Variants in NNMT observed in about 807,000 individuals in gnomAD.
NNMT encodes the protein nicotinamide N-methyltransferase.
NNMT carries 10 observed loss-of-function variants against 11.7 expected under a neutral mutation model. The observed-to-expected ratio is 0.85, with a 90% CI of 0.53 to 1.45. The LOEUF (loss-of-function observed/expected upper bound fraction) is 1.45, where lower values mean the gene tolerates loss of function less well. NNMT is among the 40% of genes most tolerant of loss of function. The pLI is 0.00. For synonymous variants in NNMT, 143 were observed against 133.8 expected, an observed-to-expected ratio of 1.07 and a Z score of -0.48; for missense variants, 381 against 319.4, an observed-to-expected ratio of 1.19 and a Z score of -1.47.
chr11:114,278,827 A>T (rs1945236411), intron 2 of NNMT, among the ~76,000 whole-genome samples: 1 of 152,052 alleles, frequency 6.6e-6, no homozygotes, highest in Admixed American at 6.5e-5. Context: ...CTGAGTGTTA[A>T]CTCCTTCCAA....
At chr11:114,275,405 G>C (rs961701282) in intron 2 of NNMT, among the ~76,000 whole-genome samples, 7 of 152,138 alleles carry the variant, frequency 4.6e-5, no homozygotes, top group Non-Finnish European at 7.3e-5. Flanking sequence ...TTTGCACTTG[G>C]CTGACTTGTT....
chr11:114,297,834 G>A, intron 1 of NNMT, 117 bp from the exon 2 acceptor site: 2 of 843,794 alleles, frequency 2.4e-6, no homozygotes, highest in Non-Finnish European at 3.9e-6. Context: ...GTTGTGAACA[G>A]TAGTGGTCTG....
intron 2 of NNMT, among the ~76,000 whole-genome samples, chr11:114,266,713 A>G (rs1334116633): frequency 6.6e-6 from 1 of 152,210 alleles, no homozygotes; most frequent in Non-Finnish European, 1.5e-5. Flanking sequence ...GAATGGATTA[A>G]TATTATCATG....
At chr11:114,308,945 G>A (rs2135283666) in intron 2 of NNMT, among the ~76,000 whole-genome samples, 1 of 152,244 alleles carries the variant, frequency 6.6e-6, no homozygotes, top group Non-Finnish European at 1.5e-5. Context: ...CACAGTTTGG[G>A]AACAATTTGC....
At chr11:114,287,679 T>G (rs1409350045) in intron 2 of NNMT, among the ~76,000 whole-genome samples, 1 of 152,174 alleles carries the variant, frequency 6.6e-6, no homozygotes, top group Non-Finnish European at 1.5e-5. Flanking sequence ...GTAGAGCAAG[T>G]CCTCCCACCT....
upstream of NNMT, among the ~76,000 whole-genome samples, chr11:114,292,733 A>G (rs1320172362): frequency 1.3e-5 from 2 of 152,234 alleles, no homozygotes; most frequent in Admixed American, 1.3e-4. Context: ...ATTCCTATCT[A>G]TAATAAAAAA....
chr11:114,301,172 T>C (rs2847484), intron 2 of NNMT, among the ~76,000 whole-genome samples: 148,293 of 152,284 alleles, frequency 0.97, 72,325 homozygotes, highest in Middle Eastern at 1. Context: ...GGTGTAGCCA[T>C]TTTGGAAGAC....
intron 2 of NNMT, among the ~76,000 whole-genome samples, chr11:114,308,850 G>A (rs1431000747): frequency 6.6e-6 from 1 of 152,156 alleles, no homozygotes. Context: ...GACAAGCAGG[G>A]ATCTATGACA....
intron 2 of NNMT, among the ~76,000 whole-genome samples, chr11:114,280,299 A>G (rs1484920200): frequency 6.6e-6 from 1 of 152,108 alleles, no homozygotes; most frequent in African/African-American, 2.4e-5. Context: ...AGGGCTGAGT[A>G]CAAGTGCCTG....
At chr11:114,282,573 A>G (rs1394954494) in intron 2 of NNMT, among the ~76,000 whole-genome samples, 1 of 152,210 alleles carries the variant, frequency 6.6e-6, no homozygotes, top group African/African-American at 2.4e-5. Flanking sequence ...GCTGTATTTC[A>G]CAGCCCCCTT....
intron 1 of NNMT, among the ~76,000 whole-genome samples, chr11:114,259,237 C>T (rs1945054756): frequency 6.6e-6 from 1 of 151,972 alleles, no homozygotes. Flanking sequence ...ATTAGCACTC[C>T]AGGGCTCATG....
intron 1 of NNMT, among the ~76,000 whole-genome samples, chr11:114,259,367 C>A (rs1945056747): frequency 6.7e-6 from 1 of 148,324 alleles, no homozygotes; most frequent in African/African-American, 2.5e-5. Flanking sequence ...GGAGCTCCTG[C>A]ATCCCCACAC....
At chr11:114,290,871 A>G (rs1945329376) in intron 2 of NNMT, among the ~76,000 whole-genome samples, 1 of 152,212 alleles carries the variant, frequency 6.6e-6, no homozygotes, top group East Asian at 1.9e-4. Context: ...TAGCACATTT[A>G]CAATATCATT....
In NNMT at chr11:114,298,411, G is replaced by A. The variant is rs1945405945; in HGVS notation, c.362+253G>A. ...GAAGAAATGGATACTGAGCAAAGAG[G>A]AGTAAACCCCCAAATTTTCCAGGCC... On this transcript the variant is annotated intron_variant, in intron 2 of 2. Coordinates refer to ENST00000299964, the MANE Select transcript of NNMT (RefSeq NM_006169.3). 2.9e-5 allele frequency: 13 copies of A among 454,404 alleles called. No individual in the cohort carries two copies. The South Asian group carries it at 3.1e-4, about 11-fold the overall frequency. The allele number at this position is 454,404 out of a possible 1,614,324, so 28.1% of individuals were successfully genotyped here.
At chr11:114,260,122 G>A (rs1222878028) in intron 1 of NNMT, among the ~76,000 whole-genome samples, 1 of 152,202 alleles carries the variant, frequency 6.6e-6, no homozygotes, top group Non-Finnish European at 1.5e-5. Flanking sequence ...AGCACACTCA[G>A]AATGCTGCCT....
intron 1 of NNMT, among the ~76,000 whole-genome samples, chr11:114,261,585 AAAAC>A (rs111300493): frequency 0.032 from 4,848 of 151,784 alleles, 235 homozygotes; most frequent in African/African-American, 0.1. Flanking sequence ...ACTCCATCTC[AAAAC>A]AAACAAACAA....
intron 2 of NNMT, among the ~76,000 whole-genome samples, chr11:114,283,071 T>A (rs1021998976): frequency 1.6e-4 from 24 of 152,142 alleles, no homozygotes; most frequent in African/African-American, 5.8e-4. Context: ...GCACTGCTGA[T>A]GGGGGTGTAG....
chr11:114,265,856 C>A (rs1358108376), intron 2 of NNMT, among the ~76,000 whole-genome samples: 4 of 151,330 alleles, frequency 2.6e-5, no homozygotes, highest in African/African-American at 9.8e-5. Flanking sequence ...TATTATTATT[C>A]TGCACCGCCA....
chr11:114,283,505 G>A (rs1945276620), intron 2 of NNMT, among the ~76,000 whole-genome samples: 1 of 152,164 alleles, frequency 6.6e-6, no homozygotes, highest in Non-Finnish European at 1.5e-5. Context: ...AATGAGAGTG[G>A]AAAATAAAAG....
Sources: gnomAD v4.1 joint callset for allele counts (sites outside exome capture counted in the v4.1 genomes callset) on GRCh38, gnomAD v4.1.1 for gene constraint, MANE v1.5 for transcripts, NCBI Gene and HGNC (gene_info 2026-07-23, HGNC 2026-07-21) for gene names.